Variants in RAD50 observed in about 807,000 individuals in gnomAD.
RAD50 encodes DNA repair protein RAD50.
Under a neutral mutation model 168.8 loss-of-function variants are expected in RAD50, and 132 were observed. The observed-to-expected ratio is 0.78, with a 90% confidence interval of 0.68 to 0.90. The LOEUF is 0.90. RAD50 is among the 40% of genes least tolerant of loss of function. The pLI, the probability that RAD50 is intolerant of heterozygous loss-of-function variation, is 0.00. For synonymous variants in RAD50, 525 were observed against 497.4 expected, an observed-to-expected ratio of 1.06 and a Z score of -0.74; for missense variants, 1,347 against 1,534.4, an observed-to-expected ratio of 0.88 and a Z score of 2.04.
chr5:132,597,923 A>C lies in RAD50; in HGVS notation c.2207+2113A>C, dbSNP rs77637338. Reference sequence around the variant, plus strand: ...TCTTGAAAAGAAAAAGATCAAATGGATAAAATTTGAAATTGGTAGAAAGTA... The same window carrying C: ...TCTTGAAAAGAAAAAGATCAAATGGCTAAAATTTGAAATTGGTAGAAAGTA... On this transcript the variant is annotated intron_variant, in intron 13 of 24. Coordinates refer to ENST00000378823, the MANE Select transcript of RAD50 (RefSeq NM_005732.4). Among the ~76,000 whole-genome samples the C allele has an allele frequency of 4.4e-3, 676 of 152,302 alleles. 8 individuals carry two copies. Among genetic ancestry groups the C allele is most frequent in the African/African-American group, 0.015 (643 of 41,570 alleles).
intron 11 of RAD50, chr5:132,592,773 G>C (rs149738157): frequency 2.2e-4 from 101 of 469,526 alleles, no homozygotes; most frequent in African/African-American, 2.0e-3. Flanking sequence ...GGATTGTACT[G>C]GTAAAGCCAC....
At chr5:132,595,146 C>A in intron 12 of RAD50, 102 bp downstream of exon 12, 1 of 1,276,084 alleles carries the variant, frequency 7.8e-7, no homozygotes, top group Non-Finnish European at 1.1e-6. Flanking sequence ...GGTTATGGAG[C>A]CTAATGGCTT....
At position 132,607,433 on chromosome 5, in the gene RAD50, C is replaced by A. The variant is rs959176939; in HGVS notation, c.2719-1182C>A. Among the ~76,000 whole-genome samples, 4 of 152,144 alleles carry A rather than the reference C, an allele frequency of 2.6e-5. No homozygotes were observed. In the South Asian group the frequency reaches 8.3e-4, roughly 31 times the overall value. On this transcript the variant is annotated intron_variant, in intron 16 of 24. Transcript: ENST00000378823. ...TTATATAGATTAATCACATCTAAGACTCAACCAGTTATAAACAGTTATAAA... is the reference window on the plus strand; with the variant it reads ...TTATATAGATTAATCACATCTAAGAATCAACCAGTTATAAACAGTTATAAA...
chr5:132,598,605 A>G (rs567753944), intron 13 of RAD50, among the ~76,000 whole-genome samples: 1 of 152,290 alleles, frequency 6.6e-6, no homozygotes, highest in East Asian at 1.9e-4. Flanking sequence ...CAGTCGTCTC[A>G]AAGCATAACC....
chr5:132,642,122 A>C, intron 24 of RAD50, 56 bp from the exon 25 acceptor site: 3 of 1,569,808 alleles, frequency 1.9e-6, no homozygotes, highest in Non-Finnish European at 2.6e-6. Context: ...GACTTTTCAA[A>C]TCAAAGAAGG....
At position 132,640,762 on chromosome 5, in the gene RAD50, CTTGACCGAGAAAACA is replaced by C. The variant is rs1751701934; in HGVS notation, c.3714_3728del (p.Asp1238_Ile1242del). 8 of 1,614,208 alleles carry C rather than the reference CTTGACCGAGAAAACA, an allele frequency of 5.0e-6. No individual in the cohort carries two copies. The highest frequency in any genetic ancestry group is 6.8e-6 in the Non-Finnish European group (8 of 1,180,048). ...TGCCTTGGATGAGCCAACAACAAAT[CTTGACCGAGAAAACA>C]TTGAATCTCTTGCACATGCTCTGGT... On this transcript the variant is annotated inframe_deletion, in exon 24 of 25. Coordinates refer to ENST00000378823, the MANE Select transcript of RAD50 (RefSeq NM_005732.4).
chr5:132,636,686 A>G (rs980591312), intron 21 of RAD50, among the ~76,000 whole-genome samples: 3 of 152,112 alleles, frequency 2.0e-5, no homozygotes, highest in Non-Finnish European at 2.9e-5. Context: ...TAAACCTTCT[A>G]CCCTTTAACT....
rs968821378 is a variant in RAD50 at position 132,609,393 on chromosome 5, G to A, written c.3033G>A (p.Gln1011=). Residue 1011 remains glutamine (Q), a synonymous_variant, in exon 19 of 25, where the codon CAG becomes CAA. Coordinates refer to ENST00000378823, the MANE Select transcript of RAD50 (RefSeq NM_005732.4). ...MRLMRQDIDT[Q]KIQERWLQDN... ...TCATGAGACAAGATATTGATACACA[G>A]AAGGTAGGTCTGTTTTGCTTATGAT... 6.2e-7 allele frequency: 1 copy of A among 1,613,634 alleles called. No individual in the cohort carries two copies. The highest frequency in any genetic ancestry group is 8.5e-7 in the Non-Finnish European group (1 of 1,179,772).
At chr5:132,568,231 C>T (rs751740756) in intron 2 of RAD50, among the ~76,000 whole-genome samples, 65 of 152,046 alleles carry the variant, frequency 4.3e-4, no homozygotes, top group Admixed American at 2.8e-3. Flanking sequence ...CGACCATGCC[C>T]GGCTGATTTT....
intron 19 of RAD50, among the ~76,000 whole-genome samples, chr5:132,611,169 T>C (rs1751078329): frequency 6.6e-6 from 1 of 151,850 alleles, no homozygotes; most frequent in South Asian, 2.1e-4. Context: ...GGCAGACGGA[T>C]CACCTGAGGT....
intron 24 of RAD50, chr5:132,641,702 C>G (rs1357820631): frequency 6.2e-6 from 1 of 161,374 alleles, no homozygotes; most frequent in African/African-American, 2.4e-5. Context: ...TGGCAGAATT[C>G]TAAGTAGACC....
chr5:132,564,205 T>C (rs1179202632), intron 2 of RAD50, among the ~76,000 whole-genome samples: 1 of 152,132 alleles, frequency 6.6e-6, no homozygotes, highest in African/African-American at 2.4e-5. Context: ...TTTGGAGGGC[T>C]CAAAAGAAGA....
chr5:132,574,332 T>A (rs1750357426), intron 2 of RAD50, among the ~76,000 whole-genome samples: 1 of 152,226 alleles, frequency 6.6e-6, no homozygotes, highest in Admixed American at 6.5e-5. Context: ...GGCTTCGGGC[T>A]TCCACCCTTT....
At chr5:132,560,051 T>TACACACACAC (rs143575412) in intron 2 of RAD50, among the ~76,000 whole-genome samples, 99 of 147,684 alleles carry the variant, frequency 6.7e-4, no homozygotes, top group African/African-American at 2.4e-3. Flanking sequence ...GAAACAACAA[T>TACACACACAC]ACACACACAC....
intron 19 of RAD50, among the ~76,000 whole-genome samples, chr5:132,615,608 G>T (rs1751161659): frequency 6.6e-6 from 1 of 152,104 alleles, no homozygotes; most frequent in South Asian, 2.1e-4. Flanking sequence ...GGGGATGTAG[G>T]TATTAAAATA....
chr5:132,578,122 A>AT (rs1031595582), intron 3 of RAD50, among the ~76,000 whole-genome samples: 9 of 152,000 alleles, frequency 5.9e-5, no homozygotes, highest in East Asian at 1.9e-4. Context: ...CCCATCTCTG[A>AT]TTTTTTTTAC....
rs1361941563 is a variant in RAD50 at position 132,588,061 on chromosome 5, G to C, written c.1023G>C (p.Gln341His). 6.2e-7 allele frequency: 1 copy of C among 1,612,752 alleles called. No individual in the cohort carries two copies. The highest frequency in any genetic ancestry group is 2.2e-5 in the East Asian group (1 of 44,762). ...ATAAAGAATCTAGGCTTCTCAATCA[G>C]GAAAAATCAGAACTGCTTGTTGAAC... ...KLNKESRLLN[Q>H]EKSELLVEQG... The change falls in exon 7 of 25, where the codon CAG (glutamine) becomes CAC (histidine). Residue 341 changes from glutamine to histidine, a missense_variant. Physicochemically the swap from Gln to His is conservative, Grantham distance 24. Coordinates refer to ENST00000378823, the MANE Select transcript of RAD50 (RefSeq NM_005732.4).
intron 2 of RAD50, 105 bp downstream of exon 2, chr5:132,559,472 C>A: frequency 8.1e-7 from 1 of 1,231,866 alleles, no homozygotes; most frequent in Non-Finnish European, 1.1e-6. Context: ...TGAAAGTCAG[C>A]CCCACACAGT....
At chr5:132,566,637 C>G (rs1750213221) in intron 2 of RAD50, among the ~76,000 whole-genome samples, 1 of 152,200 alleles carries the variant, frequency 6.6e-6, no homozygotes. Context: ...TCTGTTCACC[C>G]TAAAGACAAA....
Sources: gnomAD v4.1 joint callset for allele counts (sites outside exome capture counted in the v4.1 genomes callset) on GRCh38, gnomAD v4.1.1 for gene constraint, MANE v1.5 for transcripts, NCBI Gene and HGNC (gene_info 2026-07-23, HGNC 2026-07-21) for gene names.